CXADR: variants seen among roughly 807,000 people sequenced by gnomAD.
CXADR encodes coxsackievirus and adenovirus receptor.
In CXADR, 20 loss-of-function variants were observed where a neutral mutation model predicts 40.3. That is an observed-to-expected ratio of 0.50 (90% CI 0.35 to 0.72). CXADR has a LOEUF of 0.72. Among genes scored for constraint, CXADR ranks in the 30% least tolerant of loss-of-function variants. CXADR has a pLI of 0.01. For missense variants in CXADR, 332 were observed against 449.1 expected (o/e 0.74, Z 2.36); for synonymous variants, 150 against 161.3 (o/e 0.93, Z 0.53).
chr21:17,518,103 G>A (rs2060483347), intron 1 of CXADR, among the ~76,000 whole-genome samples: 1 of 152,076 alleles, frequency 6.6e-6, no homozygotes, highest in African/African-American at 2.4e-5. Context: ...CATTAATTCT[G>A]TGTTTTATAG....
intron 3 of CXADR, 147 bp downstream of exon 3, chr21:17,552,100 T>C (rs1332848510): frequency 1.6e-6 from 1 of 637,658 alleles, no homozygotes; most frequent in Non-Finnish European, 2.7e-6. Context: ...TTGGATAGCA[T>C]CAAATATAAA....
At chr21:17,625,173 A>G in the CXADR span, among the ~76,000 whole-genome samples, 1 of 152,076 alleles carries the variant, frequency 6.6e-6, no homozygotes, top group Non-Finnish European at 1.5e-5. Context: ...TGCATTAATC[A>G]TGTTTGGGCA....
At chr21:17,611,030 TACAGCCAGCTAGCAGGC>T in the CXADR span, among the ~76,000 whole-genome samples, 12 of 151,952 alleles carry the variant, frequency 7.9e-5, 1 homozygote, top group Admixed American at 7.9e-4. Context: ...ATTCACCTTC[TACAGCCAGCTAGCAGGC>T]ACCGGGCATG....
intron 7 of CXADR, among the ~76,000 whole-genome samples, chr21:17,579,004 C>A (rs1184766702): frequency 6.6e-6 from 1 of 151,966 alleles, no homozygotes; most frequent in African/African-American, 2.4e-5. Context: ...TTCATAAGAC[C>A]CAATATAAAA....
chr21:17,593,871 T>C (rs2061467636), downstream of CXADR: 1 of 551,166 alleles, frequency 1.8e-6, no homozygotes, highest in African/African-American at 1.9e-5. Context: ...ATTAAAAACT[T>C]AGGCACTTGA....
intron 1 of CXADR, among the ~76,000 whole-genome samples, chr21:17,519,343 GC>G (rs2060500203): frequency 6.6e-6 from 1 of 152,180 alleles, no homozygotes; most frequent in Admixed American, 6.5e-5. Flanking sequence ...TTGCCACTAG[GC>G]CTGTGTGTAT....
At chr21:17,631,967 A>G in the CXADR span, among the ~76,000 whole-genome samples, 2,929 of 152,124 alleles carry the variant, frequency 0.019, 98 homozygotes, top group African/African-American at 0.067. Flanking sequence ...GTGCACCACC[A>G]ACCTGGCTAA....
chr21:17,603,348 G>A, the CXADR span, among the ~76,000 whole-genome samples: 1 of 152,008 alleles, frequency 6.6e-6, no homozygotes, highest in Non-Finnish European at 1.5e-5. Flanking sequence ...TTTTCTACCC[G>A]AGAAAGAAGT....
intron 1 of CXADR, 80 bp downstream of exon 1, chr21:17,513,252 G>T (rs2060413982): frequency 1.6e-6 from 2 of 1,280,114 alleles, no homozygotes; most frequent in African/African-American, 1.6e-5. Flanking sequence ...GAACAATGGG[G>T]CGTGGGGGAG....
intron 7 of CXADR, among the ~76,000 whole-genome samples, chr21:17,582,814 A>G (rs1181531516): frequency 2.0e-5 from 3 of 152,244 alleles, no homozygotes; most frequent in Non-Finnish European, 4.4e-5. Flanking sequence ...GTTATCTTGC[A>G]TTTGAAAAGA....
intron 7 of CXADR, among the ~76,000 whole-genome samples, chr21:17,580,530 G>GC (rs1272802658): frequency 6.6e-6 from 1 of 152,118 alleles, no homozygotes. Flanking sequence ...GATCACCTGA[G>GC]CCTGAGGAGG....
intron 1 of CXADR, among the ~76,000 whole-genome samples, chr21:17,529,596 C>T (rs1178423441): frequency 6.6e-6 from 1 of 152,234 alleles, no homozygotes; most frequent in Non-Finnish European, 1.5e-5. Context: ...GCTAGGATTA[C>T]AGGTGTGAGC....
chr21:17,620,632 A>T, the CXADR span, among the ~76,000 whole-genome samples: 1 of 152,210 alleles, frequency 6.6e-6, no homozygotes, highest in Admixed American at 6.5e-5. Context: ...TTGTAAAAAA[A>T]CATGCAATAT....
the CXADR span, among the ~76,000 whole-genome samples, chr21:17,618,968 G>A: frequency 6.6e-6 from 1 of 152,212 alleles, no homozygotes; most frequent in Non-Finnish European, 1.5e-5. Context: ...GAGCTCTTGG[G>A]TGACTAGGTA....
chr21:17,551,198 G>A (rs1021486284), intron 2 of CXADR, among the ~76,000 whole-genome samples: 3 of 152,102 alleles, frequency 2.0e-5, no homozygotes, highest in Non-Finnish European at 4.4e-5. Context: ...TCAGAAGTTC[G>A]AGACCAGCCT....
chr21:17,606,289 A>T, the CXADR span, among the ~76,000 whole-genome samples: 2 of 152,148 alleles, frequency 1.3e-5, no homozygotes, highest in African/African-American at 4.8e-5. Context: ...TGATGGATCT[A>T]GGGTTCAAAT....
At chr21:17,593,310 A>G in exon 8 of CXADR, 1 of 923,102 alleles carries the variant, frequency 1.1e-6, no homozygotes, top group Non-Finnish European at 1.4e-6. Flanking sequence ...AGCAGCTGTA[A>G]GAACACATCT....
At chr21:17,563,789 A>T in intron 6 of CXADR, among the ~76,000 whole-genome samples, 1 of 151,032 alleles carries the variant, frequency 6.6e-6, no homozygotes, top group East Asian at 2.0e-4. Context: ...AAAATACAAA[A>T]AATTAGCCGG....
chr21:17,623,016 G>T, the CXADR span, among the ~76,000 whole-genome samples: 1 of 151,618 alleles, frequency 6.6e-6, no homozygotes, highest in Admixed American at 6.6e-5. Flanking sequence ...TTTGAGACAG[G>T]GTCTTGCTGT....
Sources: gnomAD v4.1 joint callset for allele counts (sites outside exome capture counted in the v4.1 genomes callset) on GRCh38, gnomAD v4.1.1 for gene constraint, MANE v1.5 for transcripts, NCBI Gene and HGNC (gene_info 2026-07-23, HGNC 2026-07-21) for gene names.